FERMT2: variants seen among roughly 807,000 people sequenced by gnomAD.
The protein encoded by FERMT2 is fermitin family homolog 2.
Under a neutral mutation model 82.7 loss-of-function variants are expected in FERMT2, and 15 were observed. The observed-to-expected ratio is 0.18, with a 90% CI of 0.12 to 0.28. The LOEUF (loss-of-function observed/expected upper bound fraction) is 0.28, where lower values mean the gene tolerates loss of function less well. Ranked by LOEUF, FERMT2 falls within the 10% of genes least tolerant of loss-of-function variation. The pLI, the probability that FERMT2 is intolerant of heterozygous loss-of-function variation, is 1.00. For synonymous variants in FERMT2, 274 were observed against 271.5 expected, an observed-to-expected ratio of 1.01 and a Z score of -0.09; for missense variants, 645 against 809.4, an observed-to-expected ratio of 0.80 and a Z score of 2.46.
At chr14:52,945,596 A>G (rs1356471766) in intron 2 of FERMT2, among the ~76,000 whole-genome samples, 6 of 152,064 alleles carry the variant, frequency 3.9e-5, no homozygotes, top group African/African-American at 1.2e-4. Context: ...GTTTCTTTTT[A>G]GTTACTCCTG....
intron 2 of FERMT2, among the ~76,000 whole-genome samples, chr14:52,919,950 T>C (rs1888858080): frequency 6.6e-6 from 1 of 152,172 alleles, no homozygotes; most frequent in Non-Finnish European, 1.5e-5. Context: ...CCACATGTGC[T>C]CTCCCAAATA....
At chr14:52,883,276 G>C (rs373263856) in intron 4 of FERMT2, among the ~76,000 whole-genome samples, 1 of 152,146 alleles carries the variant, frequency 6.6e-6, no homozygotes, top group East Asian at 1.9e-4. Context: ...CGTTAGTCCT[G>C]GGGCTTTAAA....
At chr14:52,884,022 G>A (rs1886440921) in intron 4 of FERMT2, among the ~76,000 whole-genome samples, 1 of 152,092 alleles carries the variant, frequency 6.6e-6, no homozygotes, top group Admixed American at 6.6e-5. Context: ...CCAAGTCTCA[G>A]GTATTTCCTT....
intron 3 of FERMT2, among the ~76,000 whole-genome samples, chr14:52,913,668 T>G (rs1056404394): frequency 1.3e-5 from 2 of 150,438 alleles, no homozygotes; most frequent in African/African-American, 4.9e-5. Flanking sequence ...TTCAATGCCA[T>G]GCAGCCAAAA....
chr14:52,872,833 G>C lies in FERMT2; in HGVS notation c.1239C>G (p.Ser413=). 1 of 1,613,866 alleles carries C rather than the reference G, an allele frequency of 6.2e-7. No individual in the cohort carries two copies. The highest frequency in any genetic ancestry group is 8.5e-7 in the Non-Finnish European group (1 of 1,179,874). ...TCATCTGATGAGCTGGTGTGCCACT[G>C]GATTCTTCTTTGCTCTTATAACAAG... The part of the protein sequence containing the change: ...SISCYKSKEE[S]SGTPAHQMNL... The change falls in exon 10 of 15, where the codon TCC becomes TCG. Residue 413 remains serine (S), a synonymous_variant. Coordinates refer to ENST00000341590, the MANE Select transcript of FERMT2 (RefSeq NM_006832.3).
chr14:52,945,976 G>C (rs978180934), intron 2 of FERMT2, among the ~76,000 whole-genome samples: 2 of 151,914 alleles, frequency 1.3e-5, no homozygotes, highest in Admixed American at 6.6e-5. Context: ...TCCTGGGTTC[G>C]AGCGATTCTC....
At chr14:52,884,030 C>T (rs905176015) in intron 4 of FERMT2, among the ~76,000 whole-genome samples, 8 of 152,122 alleles carry the variant, frequency 5.3e-5, no homozygotes, top group Non-Finnish European at 1.2e-4. Flanking sequence ...CAGGTATTTC[C>T]TTATAGCAAT....
rs1491068684 is a variant in FERMT2 at position 52,949,388 on chromosome 14, AAG to A, written c.157+1022_157+1023del. Among the ~76,000 whole-genome samples the A allele has an allele frequency of 6.1e-4, 88 of 145,046 alleles. 2 individuals are homozygous for A. The highest frequency in any genetic ancestry group is 3.5e-3 in the Middle Eastern group (1 of 286). ...AACGAATGCTGTGTTTAAAAAAAAAAAGAAAAAAAAAAAGACGAAAAAAACCC... is the reference window on the plus strand; with the variant it reads ...AACGAATGCTGTGTTTAAAAAAAAAAAAAAAAAAAAAGACGAAAAAAACCC... On this transcript the variant is annotated intron_variant, in intron 2 of 14. Coordinates refer to ENST00000341590, the MANE Select transcript of FERMT2 (RefSeq NM_006832.3).
chr14:52,879,166 C>G (rs1447039683), intron 6 of FERMT2, among the ~76,000 whole-genome samples: 1 of 152,138 alleles, frequency 6.6e-6, no homozygotes, highest in Non-Finnish European at 1.5e-5. Context: ...GATAAAGTGG[C>G]AAGTCCTTGG....
chr14:52,896,430 G>C (rs969812193), intron 3 of FERMT2, among the ~76,000 whole-genome samples: 1 of 152,120 alleles, frequency 6.6e-6, no homozygotes, highest in Non-Finnish European at 1.5e-5. Flanking sequence ...TAGGGGACCT[G>C]AAACTAGGAT....
At chr14:52,929,392 CAG>C (rs1423842149) in intron 2 of FERMT2, among the ~76,000 whole-genome samples, 3 of 152,274 alleles carry the variant, frequency 2.0e-5, no homozygotes, top group East Asian at 3.9e-4. Context: ...ATACAACAGC[CAG>C]AGTCATCTTT....
At chr14:52,921,493 A>C (rs1470697964) in intron 2 of FERMT2, among the ~76,000 whole-genome samples, 1 of 152,244 alleles carries the variant, frequency 6.6e-6, no homozygotes, top group Non-Finnish European at 1.5e-5. Context: ...TCTAGCACAG[A>C]ATTTGCCAAC....
At chr14:52,875,551 A>T (rs1885900834) in intron 7 of FERMT2, among the ~76,000 whole-genome samples, 194 bp from the exon 8 acceptor site, 1 of 152,196 alleles carries the variant, frequency 6.6e-6, no homozygotes, top group South Asian at 2.1e-4. Context: ...TATCCAAAAG[A>T]AGTAGGGTCT....
chr14:52,870,087 T>C (rs1885522357), intron 10 of FERMT2, among the ~76,000 whole-genome samples: 1 of 152,150 alleles, frequency 6.6e-6, no homozygotes, highest in Non-Finnish European at 1.5e-5. Context: ...AGTTATAAAG[T>C]TACAGTAAGC....
At chr14:52,916,124 G>A (rs1172618867) in intron 3 of FERMT2, among the ~76,000 whole-genome samples, 2 of 151,970 alleles carry the variant, frequency 1.3e-5, no homozygotes, top group African/African-American at 2.4e-5. Flanking sequence ...TGGGTGGATC[G>A]CCTGAGGTCA....
intron 13 of FERMT2, chr14:52,860,087 G>A (rs796158840): frequency 7.5e-5 from 28 of 372,988 alleles, no homozygotes; most frequent in Non-Finnish European, 1.2e-4. Flanking sequence ...ACAGTGCTGC[G>A]ATTACAGGCG....
chr14:52,881,791 C>T, intron 4 of FERMT2: 1 of 1,309,682 alleles, frequency 7.6e-7, no homozygotes, highest in Non-Finnish European at 1.0e-6. Context: ...TGTGGCAAGG[C>T]TCACCTTTCA....
At chr14:52,911,099 C>T (rs1888284392) in intron 3 of FERMT2, among the ~76,000 whole-genome samples, 1 of 152,088 alleles carries the variant, frequency 6.6e-6, no homozygotes, top group South Asian at 2.1e-4. Flanking sequence ...TAATGTAATT[C>T]CGGGGTTGGC....
At chr14:52,906,541 AGGGTGG>A (rs1160844754) in intron 3 of FERMT2, among the ~76,000 whole-genome samples, 4 of 105,154 alleles carry the variant, frequency 3.8e-5, no homozygotes, top group Non-Finnish European at 7.5e-5. Flanking sequence ...TCAGGAGTAA[AGGGTGG>A]GGGTGGGGAA....
Sources: allele counts gnomAD v4.1 joint callset (sites outside exome capture counted in the v4.1 genomes callset), GRCh38; gene constraint gnomAD v4.1.1; transcripts MANE v1.5; gene names NCBI Gene and HGNC (gene_info 2026-07-23, HGNC 2026-07-21).